The following RELN variants were observed in gnomAD, a reference collection of about 807,000 sequenced individuals.
RELN encodes reelin.
In RELN, 108 loss-of-function variants were observed where a neutral mutation model predicts 427.6. That is an observed-to-expected ratio of 0.25 (90% CI 0.22 to 0.30). RELN has a LOEUF of 0.30. Among genes scored for constraint, RELN ranks in the 10% least tolerant of loss-of-function variants. RELN has a pLI of 1.00. For missense variants in RELN, 3,715 were observed against 4,302.8 expected (o/e 0.86, Z 3.82); for synonymous variants, 1,524 against 1,513.4 (o/e 1.01, Z -0.16).
rs1830938273 is a variant in RELN at position 103,573,943 on chromosome 7, A to G, written c.4511+149T>C. ...AAACCACCTATTTTATTCCAAAGCTAAAGTTATCTTCATTTTTACATATCA... is the reference window on the plus strand; with the variant it reads ...AAACCACCTATTTTATTCCAAAGCTGAAGTTATCTTCATTTTTACATATCA... On this transcript the variant is annotated intron_variant, in intron 30 of 64. Transcript: ENST00000428762. The surrounding 1 kb of genome is among the most constrained non-coding windows in gnomAD (Gnocchi z 4.4). 1 of 737,066 alleles carries G rather than the reference A, an allele frequency of 1.4e-6. No homozygotes were observed. The highest frequency in any genetic ancestry group is 1.8e-5 in the African/African-American group (1 of 56,830). 45.7% of individuals were successfully genotyped at this position (737,066 alleles called of 1,614,324 possible). A position where few individuals can be genotyped will look rare whatever the true frequency, so the allele number is the denominator to read the frequency against.
chr7:103,501,416 A>G (rs1829024487), intron 52 of RELN, among the ~76,000 whole-genome samples: 1 of 152,214 alleles, frequency 6.6e-6, no homozygotes, highest in Non-Finnish European at 1.5e-5. Context: ...CAGAGTAACT[A>G]TGCTAATTAG....
chr7:103,609,420 T>A (rs1224348689), intron 22 of RELN, among the ~76,000 whole-genome samples: 1 of 152,170 alleles, frequency 6.6e-6, no homozygotes, highest in Non-Finnish European at 1.5e-5. Flanking sequence ...ACATTTGACA[T>A]ATATGCTTGG....
chr7:103,745,988 G>A (rs4305817), intron 6 of RELN, among the ~76,000 whole-genome samples: 2,634 of 152,146 alleles, frequency 0.017, 66 homozygotes, highest in African/African-American at 0.061. Context: ...AACAAAGCTG[G>A]AGGCATCACG....
chr7:103,576,288 T>C (rs544888288), intron 28 of RELN, among the ~76,000 whole-genome samples: 27 of 152,252 alleles, frequency 1.8e-4, no homozygotes, highest in Non-Finnish European at 3.5e-4. Context: ...TACAGGCACA[T>C]GCCACAATGC....
rs1347343854 is a variant in RELN at position 103,563,609 on chromosome 7, T to A, written c.5211-1656A>T. ...TTCTTTTTTTAAATTTAGTGGAGCC[T>A]AAGTGCATAGTGTTTATGAAATCTA... On this transcript the variant is annotated intron_variant, in intron 34 of 64. Coordinates refer to ENST00000428762, the MANE Select transcript of RELN (RefSeq NM_005045.4). This position sits in a 1 kb window ranked among gnomAD's most constrained non-coding sequence, Gnocchi z 4.1. Among the ~76,000 whole-genome samples, 1 of 152,208 alleles carries A rather than the reference T, an allele frequency of 6.6e-6. No homozygotes were observed. The highest frequency in any genetic ancestry group is 1.5e-5 in the Non-Finnish European group (1 of 68,030).
chr7:103,539,453 G>A, intron 44 of RELN, 126 bp from the exon 45 acceptor site: 1 of 960,578 alleles, frequency 1.0e-6, no homozygotes, highest in Non-Finnish European at 1.6e-6. Context: ...GCACTGGACG[G>A]CCAGCAGAAT....
chr7:103,960,526 C>T (rs1306874185), intron 1 of RELN, among the ~76,000 whole-genome samples: 3 of 151,996 alleles, frequency 2.0e-5, no homozygotes, highest in South Asian at 2.1e-4. Flanking sequence ...TTTCTGACTG[C>T]CCTCATCTTG....
chr7:103,981,260 G>A lies in RELN; in HGVS notation c.226+7871C>T, dbSNP rs539882513. On this transcript the variant is annotated intron_variant, in intron 1 of 64. Transcript: ENST00000428762. ...GGTGACACTGCATTTTAGAGAGATA[G>A]TGTCAGGAAATAAAGTTAGGTGAAG... Among the ~76,000 whole-genome samples, 16 of 152,308 alleles carry A rather than the reference G, an allele frequency of 1.1e-4. No homozygotes were observed. In the South Asian group the frequency reaches 2.5e-3, roughly 24 times the overall value.
chr7:103,790,986 C>CA (rs564645026), intron 3 of RELN, among the ~76,000 whole-genome samples: 4 of 151,072 alleles, frequency 2.6e-5, no homozygotes, highest in East Asian at 2.0e-4. Context: ...AACAAAAAAC[C>CA]AAAAAAAGAC....
At chr7:103,631,543 C>T (rs572817085) in intron 19 of RELN, among the ~76,000 whole-genome samples, 12 of 152,090 alleles carry the variant, frequency 7.9e-5, no homozygotes, top group Middle Eastern at 3.4e-3. Flanking sequence ...CTGCCTGCCT[C>T]GGCCTCCCAA....
At chr7:103,973,062 T>C (rs6957898) in intron 1 of RELN, among the ~76,000 whole-genome samples, 110,426 of 152,136 alleles carry the variant, frequency 0.73, 41,237 homozygotes, top group African/African-American at 0.91. Context: ...GAATTCTGTG[T>C]AGAATTCCAG....
chr7:103,719,868 C>G (rs1790032203), intron 8 of RELN, among the ~76,000 whole-genome samples: 1 of 152,132 alleles, frequency 6.6e-6, no homozygotes, highest in South Asian at 2.1e-4. Context: ...AGATCTTTCA[C>G]TGGAATGGAA....
intron 8 of RELN, among the ~76,000 whole-genome samples, chr7:103,709,310 T>C (rs375305966): frequency 4.9e-4 from 75 of 152,340 alleles, no homozygotes; most frequent in African/African-American, 1.8e-3. Flanking sequence ...CTGCCAATGC[T>C]ACATTTCTGT....
intron 57 of RELN, among the ~76,000 whole-genome samples, chr7:103,492,814 C>T: frequency 6.6e-6 from 1 of 152,112 alleles, no homozygotes; most frequent in Admixed American, 6.5e-5. Context: ...CGAGCTGCCC[C>T]TGAAGACTGG....
chr7:103,760,344 C>T lies in RELN; in HGVS notation c.545-7130G>A, dbSNP rs1791268417. Reference sequence around the variant, plus strand: ...CCAGAATCTCATAGATCACAGCAGCCTGAAGTAGGCATATTAGAAAGAATG... The same window carrying T: ...CCAGAATCTCATAGATCACAGCAGCTTGAAGTAGGCATATTAGAAAGAATG... On this transcript the variant is annotated intron_variant, in intron 4 of 64. Coordinates refer to ENST00000428762, the MANE Select transcript of RELN (RefSeq NM_005045.4). Among the ~76,000 whole-genome samples the T allele has an allele frequency of 2.6e-5, 4 of 151,998 alleles. 1 individual carries two copies. The South Asian group carries it at 8.3e-4, about 32-fold the overall frequency.
intron 1 of RELN, among the ~76,000 whole-genome samples, chr7:103,929,944 T>A (rs1437921391): frequency 6.6e-6 from 1 of 152,210 alleles, no homozygotes; most frequent in Non-Finnish European, 1.5e-5. Context: ...AAATACATTT[T>A]AGTCAATAGA....
chr7:103,598,994 C>T (rs1187395390), intron 24 of RELN, among the ~76,000 whole-genome samples: 5 of 152,244 alleles, frequency 3.3e-5, no homozygotes, highest in Non-Finnish European at 5.9e-5. Flanking sequence ...AAATGGCCTC[C>T]AATTTCCCCC....
chr7:103,476,051 C>T (rs1312055587), intron 64 of RELN, among the ~76,000 whole-genome samples: 2 of 152,134 alleles, frequency 1.3e-5, no homozygotes, highest in African/African-American at 4.8e-5. Flanking sequence ...TGTGCCTGGC[C>T]TGGGTGCTCT....
At chr7:103,962,646 T>TTGTTGTGTGTGTGTGTG (rs1187382987) in intron 1 of RELN, among the ~76,000 whole-genome samples, 25 of 149,924 alleles carry the variant, frequency 1.7e-4, no homozygotes, top group African/African-American at 5.9e-4. Context: ...TCCAAAGTTG[T>TTGTTGTGTGTGTGTGTG]TGTGTGTGTG....
Sources: gnomAD v4.1 joint callset for allele counts (sites outside exome capture counted in the v4.1 genomes callset) on GRCh38, gnomAD v4.1.1 for gene constraint, Gnocchi (gnomAD v3.1) non-coding constraint, MANE v1.5 for transcripts, NCBI Gene and HGNC (gene_info 2026-07-23, HGNC 2026-07-21) for gene names.